The following RUVBL2 variants were observed in gnomAD, a reference collection of about 807,000 sequenced individuals.
RUVBL2 encodes RuvB like AAA ATPase 2, also known as ruvB-like 2.
Under a neutral mutation model 57.9 loss-of-function variants are expected in RUVBL2, and 9 were observed. That is an observed-to-expected ratio of 0.16 (90% confidence interval 0.09 to 0.27). The LOEUF is 0.27. Ranked by LOEUF, RUVBL2 falls within the 10% of genes least tolerant of loss-of-function variation. The pLI is 1.00. For synonymous variants in RUVBL2, 278 were observed against 264.6 expected, an observed-to-expected ratio of 1.05 and a Z score of -0.49; for missense variants, 456 against 669.6, an observed-to-expected ratio of 0.68 and a Z score of 3.52.
intron 6 of RUVBL2, among the ~76,000 whole-genome samples, chr19:49,009,318 C>G (rs1372990367): frequency 2.6e-5 from 4 of 151,260 alleles, no homozygotes; most frequent in African/African-American, 7.3e-5. Context: ...GAAACCCCAT[C>G]TCTACTAAAA....
In RUVBL2 at chr19:49,005,295, T is replaced by G. The variant is rs574077763; in HGVS notation, c.265+877T>G. Among the ~76,000 whole-genome samples the G allele has an allele frequency of 2.0e-5, 3 of 152,260 alleles. No homozygotes were observed. In the South Asian group the frequency reaches 6.2e-4, roughly 32 times the overall value. On this transcript the variant is annotated intron_variant, in intron 4 of 14. Transcript: ENST00000595090. The stretch of plus-strand genomic sequence containing the variant: ...GAAGATAAAGCAGTGCCTGTTGGGG[T>G]GCTCGGACTGGACACTGGGGACCCA...
rs1264489658 is a variant in RUVBL2 at position 49,015,821 on chromosome 19, C to T, written c.1371C>T (p.Gly457=). The T allele has an allele frequency of 6.2e-6, 10 of 1,614,142 alleles. No homozygotes were observed. Among genetic ancestry groups the T allele is most frequent in the Middle Eastern group, 1.6e-4 (1 of 6,062 alleles). Residue 457 remains glycine, a synonymous_variant, in exon 15 of 15, where the codon GGC becomes GGT. Transcript: ENST00000595090. ...TGGCCTTCCTTCTCCCCACAGAAGG[C>T]GAGACCATGGACACCTCCTGAGTTG... ...QDAFLFNELK[G]ETMDTS is the part of the protein sequence containing the mutation.
chr19:48,993,857 T>G, upstream of RUVBL2: 2 of 1,612,824 alleles, frequency 1.2e-6, no homozygotes, highest in Non-Finnish European at 1.7e-6. Flanking sequence ...AGCCAGAACA[T>G]CTCGCTCCTC....
chr19:49,007,954 A>AC (rs1020123397), intron 6 of RUVBL2, among the ~76,000 whole-genome samples: 94 of 138,640 alleles, frequency 6.8e-4, no homozygotes, highest in African/African-American at 2.4e-3. Context: ...TGATCTGCCC[A>AC]CCTTGGCCTC....
chr19:49,004,471 C>T (rs889176676), intron 4 of RUVBL2, 53 bp downstream of exon 4: 172 of 1,550,420 alleles, frequency 1.1e-4, no homozygotes, highest in Middle Eastern at 1.7e-4. Flanking sequence ...AATAACTCCT[C>T]CTGTGTAAGT....
intron 1 of RUVBL2, among the ~76,000 whole-genome samples, chr19:48,996,502 C>CTGTG (rs72341497): frequency 0.056 from 7,752 of 138,150 alleles, 336 homozygotes; most frequent in African/African-American, 0.12. Context: ...ATTTTTGTAT[C>CTGTG]TGTGTGTGTG....
intron 2 of RUVBL2, chr19:49,001,222 C>T (rs555452860): frequency 2.8e-4 from 41 of 148,976 alleles, no homozygotes; most frequent in East Asian, 6.0e-4. Context: ...AGTGCAGTGG[C>T]GCAATCTCGG....
rs778201975 is a variant in RUVBL2 at position 48,993,938 on chromosome 19, A to G, written c.12+15A>G. The G allele has an allele frequency of 3.7e-6, 6 of 1,613,732 alleles. No individual in the cohort carries two copies. The highest frequency in any genetic ancestry group is 1.1e-5 in the South Asian group (1 of 91,066). On this transcript the variant is annotated intron_variant, in intron 1 of 14. Transcript: ENST00000595090. ...TGGCAACCGTTGTAAGTGTGGGTGC[A>G]TGGAGGGTGAGGAGCGAGCTAGCAG...
chr19:49,008,332 C>G (rs201440069), intron 6 of RUVBL2, among the ~76,000 whole-genome samples: 1 of 149,648 alleles, frequency 6.7e-6, no homozygotes, highest in Non-Finnish European at 1.5e-5. Flanking sequence ...GCTCTGCCTC[C>G]CGGGTTCATG....
chr19:49,009,830 G>A lies in RUVBL2; in HGVS notation c.517G>A (p.Asp173Asn), dbSNP rs2122634607. The change falls in exon 7 of 15, where the codon GAC becomes AAC. Residue 173 changes from aspartate to asparagine, a missense_variant. Asp to Asn is a conservative substitution (Grantham distance 23). Around this residue, in one of 5 missense-constraint regions of RUVBL2, gnomAD observed 233 missense variants for 306.0 expected, o/e 0.76. Coordinates refer to ENST00000595090, the MANE Select transcript of RUVBL2 (RefSeq NM_006666.3). ...GACCACAGAGATGGAGACCATCTAC[G>A]ACCTGGGCACCAAGATGATTGAGTC... Reference protein sequence around the residue: ...LKTTEMETIYDLGTKMIESLT... With the variant: ...LKTTEMETIYNLGTKMIESLT... 6.2e-7 allele frequency: 1 copy of A among 1,614,046 alleles called. No homozygotes were observed. Among genetic ancestry groups the A allele is most frequent in the Admixed American group, 1.7e-5 (1 of 60,004 alleles).
At chr19:49,005,288 G>T (rs538196371) in intron 4 of RUVBL2, among the ~76,000 whole-genome samples, 1 of 152,248 alleles carries the variant, frequency 6.6e-6, no homozygotes, top group Non-Finnish European at 1.5e-5. Flanking sequence ...AGCAGTGCCT[G>T]TTGGGGTGCT....
At chr19:49,004,525 AGTG>A in intron 4 of RUVBL2, 107 bp downstream of exon 4, 1 of 1,119,192 alleles carries the variant, frequency 8.9e-7, no homozygotes, top group Non-Finnish European at 1.3e-6. Context: ...CCAAAATGGC[AGTG>A]GCTTAAACAC....
rs546388516 is a variant in RUVBL2 at position 49,004,498 on chromosome 19, C to T, written c.265+80C>T. 5.4e-5 allele frequency: 75 copies of T among 1,393,960 alleles called. No individual in the cohort carries two copies. In the East Asian group the frequency reaches 6.7e-4, roughly 12 times the overall value. The allele number at this position is 1,393,960 out of a possible 1,614,324, so 86.3% of individuals were successfully genotyped here. ...TGTGTAAGTCAGGGTCAGGATGAGC[C>T]GCCTTTAACAGATGACCCAAAATGG... is the stretch of plus-strand genomic sequence containing the variant. On this transcript the variant is annotated intron_variant, in intron 4 of 14. Transcript: ENST00000595090.
chr19:49,006,125 C>T (rs546103580), intron 4 of RUVBL2, among the ~76,000 whole-genome samples: 75 of 152,208 alleles, frequency 4.9e-4, no homozygotes, highest in Non-Finnish European at 1.0e-3. Flanking sequence ...TGGCATGGGC[C>T]GTGCTCGTCC....
intron 6 of RUVBL2, among the ~76,000 whole-genome samples, chr19:49,009,482 G>A (rs1170750721): frequency 1.1e-4 from 16 of 151,252 alleles, no homozygotes; most frequent in South Asian, 1.0e-3. Context: ...GCAAGACTCC[G>A]TCTCAAAAAA....
At chr19:49,000,390 A>C (rs904230434) in intron 2 of RUVBL2, among the ~76,000 whole-genome samples, 10 of 152,056 alleles carry the variant, frequency 6.6e-5, no homozygotes, top group African/African-American at 2.4e-4. Flanking sequence ...CCTCGTCTCT[A>C]CTAAAAATAC....
Position 49,009,984 on chromosome 19 carries a change from C to T in RUVBL2, c.581C>T (p.Thr194Ile), listed in dbSNP as rs750057801. The change falls in exon 8 of 15, where the codon ACC (threonine) becomes ATC (isoleucine). Residue 194 changes from threonine (T) to isoleucine (I), a missense_variant. By Grantham distance (89) the Thr-to-Ile change is moderately conservative. Transcript: ENST00000595090. Reference protein sequence around the residue: ...KDKVQAGDVITIDKATGKISK... With the variant: ...KDKVQAGDVIIIDKATGKISK... ...CCATCCCCCTGTAGGGACGTGATCA[C>T]CATCGACAAGGCGACGGGCAAGATC... is the stretch of plus-strand genomic sequence containing the variant. 1.9e-6 allele frequency: 3 copies of T among 1,595,060 alleles called. No individual in the cohort carries two copies.
intron 1 of RUVBL2, among the ~76,000 whole-genome samples, chr19:48,996,791 T>C (rs867514234): frequency 2.0e-5 from 3 of 152,066 alleles, no homozygotes; most frequent in African/African-American, 7.2e-5. Flanking sequence ...CCTCCCAAAG[T>C]GCTGGGATTA....
chr19:49,010,915 T>C, intron 9 of RUVBL2, 84 bp from the exon 10 acceptor site: 1 of 1,226,490 alleles, frequency 8.2e-7, no homozygotes, highest in South Asian at 1.3e-5. Context: ...ATCCCTGGCA[T>C]CATCCTTCTC....
Sources: gnomAD v4.1 joint callset for allele counts (sites outside exome capture counted in the v4.1 genomes callset) on GRCh38, gnomAD v4.1.1 for gene constraint, gnomAD v4.1.1 regional missense constraint, MANE v1.5 for transcripts, NCBI Gene and HGNC (gene_info 2026-07-23, HGNC 2026-07-21) for gene names.